The following RPS6KA5 variants were observed in gnomAD, a reference collection of about 807,000 sequenced individuals.
The protein encoded by RPS6KA5 is ribosomal protein S6 kinase A5.
Under a neutral mutation model 85.5 loss-of-function variants are expected in RPS6KA5, and 27 were observed. The ratio of observed to expected loss-of-function variants is 0.32; its 90% confidence interval spans 0.23 to 0.44. RPS6KA5 has a LOEUF of 0.44. Among genes scored for constraint, RPS6KA5 ranks in the 20% least tolerant of loss-of-function variants. The pLI, the probability that RPS6KA5 is intolerant of heterozygous loss-of-function variation, is 1.00. For synonymous variants in RPS6KA5, 334 were observed against 348.2 expected (o/e 0.96, Z 0.46); for missense variants, 811 against 980.9 (o/e 0.83, Z 2.31).
intron 5 of RPS6KA5, among the ~76,000 whole-genome samples, chr14:90,927,483 A>G (rs911572853): frequency 6.6e-6 from 1 of 152,168 alleles, no homozygotes; most frequent in Non-Finnish European, 1.5e-5. Flanking sequence ...ATAATGACAA[A>G]GAAAGATTGA....
At chr14:90,930,221 G>T (rs575219448) in intron 5 of RPS6KA5, among the ~76,000 whole-genome samples, 2 of 152,270 alleles carry the variant, frequency 1.3e-5, no homozygotes, top group South Asian at 4.1e-4. Flanking sequence ...GAGGCAAACA[G>T]ACAAATGGAA....
Position 90,894,457 on chromosome 14 carries a change from G to T in RPS6KA5, c.1600C>A (p.His534Asn). The part of the protein sequence containing the change: ...IMRKLVSAVS[H>N]MHDVGVVHRD... ...TGCACCACTCCAACATCATGCATGT[G>T]GCTTACAGCTGAAACAAGCTTCCTC... Residue 534 changes from histidine (H) to asparagine (N), a missense_variant, in exon 13 of 17, where the codon CAC becomes AAC. This residue lies in a region of RPS6KA5 where 650 missense variants were observed against 793.4 expected (regional missense o/e 0.82). Coordinates refer to ENST00000614987, the MANE Select transcript of RPS6KA5 (RefSeq NM_004755.4). The T allele has an allele frequency of 6.2e-7, 1 of 1,614,074 alleles. No homozygotes were observed. Among genetic ancestry groups the T allele is most frequent in the Non-Finnish European group, 8.5e-7 (1 of 1,180,008 alleles).
intron 1 of RPS6KA5, among the ~76,000 whole-genome samples, chr14:91,030,289 G>A (rs1015748503): frequency 6.6e-6 from 1 of 152,288 alleles, no homozygotes; most frequent in African/African-American, 2.4e-5. Context: ...ACTGGGTATA[G>A]AGAGAAGCAA....
intron 1 of RPS6KA5, among the ~76,000 whole-genome samples, chr14:91,057,193 G>A (rs2043359342): frequency 6.6e-6 from 1 of 151,924 alleles, no homozygotes; most frequent in African/African-American, 2.4e-5. Flanking sequence ...TACTACTAGA[G>A]GGCGGGACAT....
intron 7 of RPS6KA5, among the ~76,000 whole-genome samples, chr14:90,919,251 C>A (rs1466847193): frequency 6.6e-6 from 1 of 152,184 alleles, no homozygotes; most frequent in Non-Finnish European, 1.5e-5. Flanking sequence ...GCTCTCAAGG[C>A]AGTAAGCTGG....
At chr14:90,877,190 A>G (rs1308824998) in intron 14 of RPS6KA5, among the ~76,000 whole-genome samples, 1 of 152,224 alleles carries the variant, frequency 6.6e-6, no homozygotes, top group Admixed American at 6.5e-5. Flanking sequence ...AGAAGAATAA[A>G]AACTATATGC....
At chr14:90,948,244 T>C (rs1011832709) in intron 3 of RPS6KA5, among the ~76,000 whole-genome samples, 1 of 152,246 alleles carries the variant, frequency 6.6e-6, no homozygotes, top group Admixed American at 6.5e-5. Context: ...TGTTGATACA[T>C]GGCTCTAATA....
rs781254517 is a variant in RPS6KA5, at chr14:90,873,756, G to C, written c.2036C>G (p.Ser679Cys). 6.2e-7 allele frequency: 1 copy of C among 1,614,078 alleles called. No individual in the cohort carries two copies. The highest frequency in any genetic ancestry group is 2.2e-5 in the East Asian group (1 of 44,876). The change falls in exon 16 of 17, where the codon TCT becomes TGT. Residue 679 changes from serine to cysteine, a missense_variant. Ser to Cys is a moderately radical substitution (Grantham distance 112, BLOSUM62 -1). Coordinates refer to ENST00000614987, the MANE Select transcript of RPS6KA5 (RefSeq NM_004755.4). ...TVDPNKRLKM[S>C]GLRYNEWLQD... ...TAGCCATTCATTGTACCTCAAGCCA[G>C]ACATTTTAAGCCTTTTGTTTGGATC... is the stretch of plus-strand genomic sequence containing the variant.
chr14:90,909,101 G>A (rs1032511396), intron 7 of RPS6KA5, among the ~76,000 whole-genome samples: 2 of 152,236 alleles, frequency 1.3e-5, no homozygotes, highest in Admixed American at 6.5e-5. Flanking sequence ...ATGTGAGTGT[G>A]AACGTCAATC....
intron 1 of RPS6KA5, 131 bp from the exon 2 acceptor site, chr14:91,001,290 T>C: frequency 1.6e-6 from 1 of 612,932 alleles, no homozygotes; most frequent in Non-Finnish European, 2.9e-6. Flanking sequence ...TTTATAATTA[T>C]TTGTTAAACA....
At chr14:90,873,894 G>A in intron 15 of RPS6KA5, 99 bp from the exon 16 acceptor site, 1 of 1,027,404 alleles carries the variant, frequency 9.7e-7, no homozygotes. Context: ...ATGACATAAT[G>A]GTTTCTATAT....
rs114741817 is a variant in RPS6KA5 at position 91,058,866 on chromosome 14, G to C, written c.103+1466C>G. Among the ~76,000 whole-genome samples, 468 of 152,286 alleles carry C rather than the reference G, an allele frequency of 3.1e-3. 3 individuals carry two copies. The highest frequency in any genetic ancestry group is 0.011 in the African/African-American group (450 of 41,550). On this transcript the variant is annotated intron_variant, in intron 1 of 16. Transcript: ENST00000614987. ...GAATTTGACATCTCTCTTGAATTAAGTCACCACACTGGCACCCAATGGAAT... is the reference window on the plus strand; with the variant it reads ...GAATTTGACATCTCTCTTGAATTAACTCACCACACTGGCACCCAATGGAAT...
intron 5 of RPS6KA5, among the ~76,000 whole-genome samples, chr14:90,931,369 CT>C (rs1483336840): frequency 2.0e-5 from 3 of 151,708 alleles, no homozygotes; most frequent in African/African-American, 7.3e-5. Flanking sequence ...ATGGTGGCTG[CT>C]GGGGGTTAGG....
intron 1 of RPS6KA5, among the ~76,000 whole-genome samples, chr14:91,057,045 A>G (rs1486586391): frequency 6.6e-6 from 1 of 150,722 alleles, no homozygotes; most frequent in East Asian, 2.0e-4. Flanking sequence ...ATGCCCAGCT[A>G]ATTTTTTGTA....
chr14:90,964,935 A>C (rs1238044970), intron 3 of RPS6KA5, among the ~76,000 whole-genome samples: 142 of 144,388 alleles, frequency 9.8e-4, no homozygotes, highest in African/African-American at 2.8e-3. Flanking sequence ...AAAAAAAAAA[A>C]CCAAAAAACC....
At chr14:90,931,802 A>G (rs910468874) in intron 5 of RPS6KA5, among the ~76,000 whole-genome samples, 5 of 152,236 alleles carry the variant, frequency 3.3e-5, no homozygotes, top group Non-Finnish European at 7.3e-5. Flanking sequence ...CAGTAGGAGA[A>G]AAGATAGACT....
intron 7 of RPS6KA5, among the ~76,000 whole-genome samples, chr14:90,918,009 T>C (rs1489090602): frequency 1.3e-5 from 2 of 152,232 alleles, no homozygotes; most frequent in African/African-American, 4.8e-5. Flanking sequence ...CATGTACAAG[T>C]TTTTATATAG....
At chr14:90,913,404 G>A (rs1003194344) in intron 7 of RPS6KA5, among the ~76,000 whole-genome samples, 5 of 152,144 alleles carry the variant, frequency 3.3e-5, no homozygotes, top group African/African-American at 1.2e-4. Context: ...GCTGAAAAGA[G>A]CTTTCTTTTT....
At chr14:90,996,696 A>T in intron 2 of RPS6KA5, among the ~76,000 whole-genome samples, 1 of 152,036 alleles carries the variant, frequency 6.6e-6, no homozygotes, top group East Asian at 1.9e-4. Context: ...TGCTTTTGAT[A>T]AAAAACATAA....
Sources: gnomAD v4.1 joint callset for allele counts (sites outside exome capture counted in the v4.1 genomes callset) on GRCh38, gnomAD v4.1.1 for gene constraint, gnomAD v4.1.1 regional missense constraint, MANE v1.5 for transcripts, NCBI Gene and HGNC (gene_info 2026-07-23, HGNC 2026-07-21) for gene names.